Variants in COL4A2 observed in about 807,000 individuals in gnomAD.
COL4A2 encodes collagen type IV alpha 2 chain.
Under a neutral mutation model 200.2 loss-of-function variants are expected in COL4A2, and 99 were observed. The observed-to-expected ratio is 0.49, with a 90% CI of 0.42 to 0.58. The LOEUF (loss-of-function observed/expected upper bound fraction) is 0.58. Among genes scored for constraint, COL4A2 ranks in the 20% least tolerant of loss-of-function variants. COL4A2 has a pLI of 0.00. For missense variants in COL4A2, 1,950 were observed against 2,314.1 expected, an observed-to-expected ratio of 0.84 and a Z score of 3.23; for synonymous variants, 897 against 900.6, an observed-to-expected ratio of 1.00 and a Z score of 0.07.
chr13:110,465,031 G>C (rs1882179103), intron 24 of COL4A2, among the ~76,000 whole-genome samples: 1 of 152,200 alleles, frequency 6.6e-6, no homozygotes, highest in Non-Finnish European at 1.5e-5. Context: ...TTTTACCGAT[G>C]CTAAATTATA....
At chr13:110,478,313 C>G (rs959243171) in intron 30 of COL4A2, 149 bp downstream of exon 30, 5 of 662,282 alleles carry the variant, frequency 7.5e-6, no homozygotes, top group Non-Finnish European at 1.2e-5. Flanking sequence ...TGTATTTCAC[C>G]TAATAAGGAG....
intron 40 of COL4A2, among the ~76,000 whole-genome samples, chr13:110,499,980 C>T (rs940385758): frequency 9.2e-5 from 14 of 152,212 alleles, no homozygotes; most frequent in African/African-American, 3.4e-4. Flanking sequence ...GATGGTGGCT[C>T]ACTCATGCCC....
intron 3 of COL4A2, among the ~76,000 whole-genome samples, chr13:110,316,390 C>A (rs1293752275): frequency 6.6e-6 from 1 of 152,178 alleles, no homozygotes; most frequent in African/African-American, 2.4e-5. Context: ...GATTGGCAGC[C>A]GTGATGCAAT....
intron 21 of COL4A2, among the ~76,000 whole-genome samples, chr13:110,458,458 G>A (rs1881867465): frequency 6.6e-6 from 1 of 152,204 alleles, no homozygotes; most frequent in Non-Finnish European, 1.5e-5. Context: ...TCTAAGCACT[G>A]AATTCCTTAA....
chr13:110,468,579 G>T (rs745363092), intron 27 of COL4A2, among the ~76,000 whole-genome samples: 143 of 152,170 alleles, frequency 9.4e-4, no homozygotes, highest in Non-Finnish European at 1.0e-3. Context: ...GGAGCCCCTT[G>T]CTGGCCTCCC....
At chr13:110,454,926 CCCCACAGACCTCT>C (rs1025980481) in intron 20 of COL4A2, among the ~76,000 whole-genome samples, 4 of 152,212 alleles carry the variant, frequency 2.6e-5, no homozygotes, top group African/African-American at 9.6e-5. Flanking sequence ...CCCCCTGCCA[CCCCACAGACCTCT>C]CCCTTGGTCC....
At chr13:110,309,652 C>T (rs1016709627) in intron 3 of COL4A2, among the ~76,000 whole-genome samples, 2 of 152,136 alleles carry the variant, frequency 1.3e-5, no homozygotes, top group Non-Finnish European at 2.9e-5. Context: ...CTGAACTCAT[C>T]CTAAAATTGG....
intron 16 of COL4A2, among the ~76,000 whole-genome samples, chr13:110,441,978 CAG>C (rs1438797199): frequency 1.4e-5 from 2 of 147,652 alleles, no homozygotes; most frequent in Non-Finnish European, 3.0e-5. Context: ...TCCAGCTACT[CAG>C]GAGGCTGAGG....
chr13:110,417,105 C>T (rs764105549), intron 4 of COL4A2, among the ~76,000 whole-genome samples: 4 of 152,118 alleles, frequency 2.6e-5, no homozygotes, highest in Admixed American at 6.5e-5. Context: ...CTCAACCTCC[C>T]GAGTAGCTGG....
At chr13:110,379,891 C>T (rs561980418) in intron 4 of COL4A2, among the ~76,000 whole-genome samples, 2 of 152,230 alleles carry the variant, frequency 1.3e-5, no homozygotes, top group Non-Finnish European at 2.9e-5. Flanking sequence ...TAGCAACCCG[C>T]TCCGCCTTGG....
rs1875434565 is a variant in COL4A2, at chr13:110,504,170, A to G, written c.4308A>G (p.Lys1436=). ...GEPGFRGAPG[K]AGPQGRGGVS... is the part of the protein sequence containing the mutation. ...CAGGTTTCCGTGGGGCTCCAGGGAA[A>G]GCTGGGCCCCAAGGAAGAGGTGGTG... is the stretch of plus-strand genomic sequence containing the variant. The change falls in exon 45 of 48, where the codon AAA becomes AAG. Residue 1436 remains lysine, a synonymous_variant. Transcript: ENST00000360467. 1 of 1,614,026 alleles carries G rather than the reference A, an allele frequency of 6.2e-7. No individual in the cohort carries two copies. The highest frequency in any genetic ancestry group is 1.3e-5 in the African/African-American group (1 of 74,948).
At chr13:110,473,172 C>T (rs779110539) in intron 29 of COL4A2, 22 bp downstream of exon 29, 81 of 1,547,456 alleles carry the variant, frequency 5.2e-5, no homozygotes, top group Non-Finnish European at 6.7e-5. Flanking sequence ...ATCGGGGAGC[C>T]GGGGGCCCCA....
At chr13:110,328,216 G>A (rs1032268806) in intron 3 of COL4A2, among the ~76,000 whole-genome samples, 1 of 152,192 alleles carries the variant, frequency 6.6e-6, no homozygotes, top group African/African-American at 2.4e-5. Context: ...TAAATATTAC[G>A]AATTTGTTTA....
chr13:110,375,961 C>G (rs1878220658), intron 4 of COL4A2, among the ~76,000 whole-genome samples: 1 of 152,070 alleles, frequency 6.6e-6, no homozygotes, highest in Non-Finnish European at 1.5e-5. Context: ...TTTTGACATT[C>G]CCTGAGTAAA....
At position 110,439,857 on chromosome 13, in the gene COL4A2, G is replaced by A. The variant is rs114263701; in HGVS notation, c.957+24G>A. ...AGGTAAGTTGGATGCATGAACTGCA[G>A]TCTGCTCTGGGCCCACGACATCCCA... On this transcript the variant is annotated intron_variant, in intron 16 of 47. Transcript: ENST00000360467. The A allele has an allele frequency of 1.6e-3, 2,653 of 1,613,682 alleles. 24 individuals carry two copies. In the African/African-American group the frequency reaches 0.023, roughly 14 times the overall value.
chr13:110,483,985 T>C (rs1037292951), intron 32 of COL4A2, among the ~76,000 whole-genome samples: 3 of 152,194 alleles, frequency 2.0e-5, no homozygotes, highest in African/African-American at 7.2e-5. Flanking sequence ...TTACAAATTT[T>C]CAGCAAAATA....
intron 36 of COL4A2, 139 bp from the exon 37 acceptor site, chr13:110,491,094 A>G (rs1025720741): frequency 1.5e-6 from 1 of 667,006 alleles, no homozygotes; most frequent in African/African-American, 1.8e-5. Context: ...AAATCAGCTA[A>G]GGAAGGAGCA....
At chr13:110,410,602 C>T (rs1032131767) in intron 4 of COL4A2, among the ~76,000 whole-genome samples, 5 of 152,248 alleles carry the variant, frequency 3.3e-5, no homozygotes, top group Non-Finnish European at 5.9e-5. Flanking sequence ...TTCTTCTTGG[C>T]GTCAAATTCG....
Position 110,501,651 on chromosome 13 carries a change from TCTG to T in COL4A2, c.3761-16_3761-14del. ...GGTGCTAACGCTGAAAATAATTTCT[TCTG>T]TTTTCATCCTAAGGGGAACGAGGCC... is the stretch of plus-strand genomic sequence containing the variant. On this transcript the variant is annotated splice_polypyrimidine_tract_variant and intron_variant, in intron 40 of 47. Transcript: ENST00000360467. The T allele has an allele frequency of 1.3e-6, 2 of 1,595,700 alleles. No homozygotes were observed. The highest frequency in any genetic ancestry group is 1.7e-6 in the Non-Finnish European group (2 of 1,163,250).
Sources: allele counts gnomAD v4.1 joint callset (sites outside exome capture counted in the v4.1 genomes callset), GRCh38; gene constraint gnomAD v4.1.1; transcripts MANE v1.5; gene names NCBI Gene and HGNC (gene_info 2026-07-23, HGNC 2026-07-21).